Variants in KCNIP4 observed in about 807,000 individuals in gnomAD.
KCNIP4 encodes the protein potassium voltage-gated channel interacting protein 4.
KCNIP4 carries 12 observed loss-of-function variants against 34.0 expected under a neutral mutation model. That is an observed-to-expected ratio of 0.35 (90% CI 0.23 to 0.57). The LOEUF (loss-of-function observed/expected upper bound fraction) is 0.57. Ranked by LOEUF, KCNIP4 falls within the 20% of genes least tolerant of loss-of-function variation. KCNIP4 has a pLI of 0.83. For synonymous variants in KCNIP4, 124 were observed against 102.2 expected (o/e 1.21, Z -1.29); for missense variants, 238 against 311.7 (o/e 0.76, Z 1.78).
rs571558065 is a variant in KCNIP4, at chr4:20,806,684, T to G, written c.288+43859A>C. On this transcript the variant is annotated intron_variant, in intron 3 of 8. Coordinates refer to ENST00000382152, the MANE Select transcript of KCNIP4 (RefSeq NM_025221.6). Reference sequence around the variant, plus strand: ...GCTTAGGGCTAAAAATTACTCAATATGAACTAAAAATCTGAAAAACCTGAA... The same window carrying G: ...GCTTAGGGCTAAAAATTACTCAATAGGAACTAAAAATCTGAAAAACCTGAA... Among the ~76,000 whole-genome samples, 63 of 152,210 alleles carry G rather than the reference T, an allele frequency of 4.1e-4. No homozygotes were observed. In the South Asian group the frequency reaches 0.011, roughly 28 times the overall value.
intron 1 of KCNIP4, among the ~76,000 whole-genome samples, chr4:21,501,692 G>GTGTGTA (rs1733361304): frequency 6.7e-6 from 1 of 149,430 alleles, no homozygotes; most frequent in South Asian, 2.1e-4. Flanking sequence ...GAAGCCTTGT[G>GTGTGTA]TGTGTGTGTG....
At chr4:20,862,291 GTTA>G (rs1447106616) in intron 2 of KCNIP4, among the ~76,000 whole-genome samples, 9 of 151,958 alleles carry the variant, frequency 5.9e-5, no homozygotes, top group African/African-American at 2.2e-4. Flanking sequence ...ACCTGGATGA[GTTA>G]TTATTTTTTA....
chr4:20,860,080 G>T lies in KCNIP4; in HGVS notation c.164-9413C>A, dbSNP rs75194045. Among the ~76,000 whole-genome samples, 957 of 152,118 alleles carry T rather than the reference G, an allele frequency of 6.3e-3. 57 individuals are homozygous for T. In the East Asian group the frequency reaches 0.15, roughly 24 times the overall value. On this transcript the variant is annotated intron_variant, in intron 2 of 8. Coordinates refer to ENST00000382152, the MANE Select transcript of KCNIP4 (RefSeq NM_025221.6). ...GAGAATGTGAAATAAATAACTACTT[G>T]AAGCATTCCAAGAATAGTGAGTGTA...
At chr4:20,734,786 A>C in intron 5 of KCNIP4, 51 bp from the exon 6 acceptor site, 1 of 1,046,210 alleles carries the variant, frequency 9.6e-7, no homozygotes, top group Non-Finnish European at 1.4e-6. Context: ...AAAAAACAAA[A>C]ACAAAAAAAA....
intron 1 of KCNIP4, among the ~76,000 whole-genome samples, chr4:21,369,275 G>A (rs1175478479): frequency 6.8e-6 from 1 of 147,270 alleles, no homozygotes; most frequent in Non-Finnish European, 1.5e-5. Context: ...AAGCTTTTAT[G>A]TCAGGTACCA....
At chr4:21,577,759 C>T (rs1740856451) in intron 1 of KCNIP4, among the ~76,000 whole-genome samples, 1 of 152,190 alleles carries the variant, frequency 6.6e-6, no homozygotes, top group African/African-American at 2.4e-5. Context: ...CCTTGACCAC[C>T]TAGTTAGCTC....
intron 1 of KCNIP4, among the ~76,000 whole-genome samples, chr4:21,877,209 C>G (rs1726173850): frequency 6.6e-6 from 1 of 151,928 alleles, no homozygotes; most frequent in Non-Finnish European, 1.5e-5. Context: ...AAAAATTAGC[C>G]AAGTGTGGTG....
At chr4:21,606,908 C>A (rs895730727) in intron 1 of KCNIP4, among the ~76,000 whole-genome samples, 4 of 152,112 alleles carry the variant, frequency 2.6e-5, no homozygotes, top group Non-Finnish European at 4.4e-5. Context: ...GTTCTCAAAT[C>A]GTATTACTCC....
chr4:21,223,874 A>G (rs1310005848), intron 1 of KCNIP4, among the ~76,000 whole-genome samples: 1 of 151,956 alleles, frequency 6.6e-6, no homozygotes, highest in African/African-American at 2.4e-5. Context: ...GCCCTTAGTC[A>G]TCTTTGTTCT....
intron 1 of KCNIP4, among the ~76,000 whole-genome samples, chr4:21,886,277 A>G (rs1726759209): frequency 6.6e-6 from 1 of 152,150 alleles, no homozygotes; most frequent in Non-Finnish European, 1.5e-5. Flanking sequence ...GGGTGAAATT[A>G]AGCTCCAAAA....
At chr4:21,413,163 G>T (rs145736557) in intron 1 of KCNIP4, among the ~76,000 whole-genome samples, 1 of 152,192 alleles carries the variant, frequency 6.6e-6, no homozygotes, top group Non-Finnish European at 1.5e-5. Flanking sequence ...TTGTTAGGGG[G>T]AGGCTATCTC....
intron 1 of KCNIP4, among the ~76,000 whole-genome samples, chr4:21,091,715 G>A (rs990349664): frequency 4.6e-5 from 7 of 152,162 alleles, no homozygotes; most frequent in African/African-American, 1.4e-4. Flanking sequence ...CCTATTTCAT[G>A]TCACAGACTG....
At chr4:21,165,448 T>TAAAAAAAAAAAAA (rs1491391042) in intron 1 of KCNIP4, among the ~76,000 whole-genome samples, 1 of 602 alleles carries the variant, frequency 1.7e-3, no homozygotes, top group Non-Finnish European at 2.9e-3. Flanking sequence ...TTTGAAAGCA[T>TAAAAAAAAAAAAA]CAAAAAAAAA....
chr4:21,518,609 G>A (rs901425163), intron 1 of KCNIP4, among the ~76,000 whole-genome samples: 1 of 152,068 alleles, frequency 6.6e-6, no homozygotes, highest in East Asian at 1.9e-4. Flanking sequence ...TTACCACGGC[G>A]GATGAAAATA....
At position 21,727,785 on chromosome 4, in the gene KCNIP4, C is replaced by T. The variant is rs113757947; in HGVS notation, c.61+220786G>A. ...CAGAGGTTGCAGTGAGCTGAGACCA[C>T]ACCACTGCATTCCAGCCTGGGCAAC... On this transcript the variant is annotated intron_variant, in intron 1 of 8. Coordinates refer to ENST00000382152, the MANE Select transcript of KCNIP4 (RefSeq NM_025221.6). 8.8e-3 allele frequency among the ~76,000 whole-genome samples: 1,333 copies of T among 152,216 alleles called. 19 individuals are homozygous for T. The highest frequency in any genetic ancestry group is 0.039 in the South Asian group (186 of 4,826).
chr4:21,501,692 G>GTGTGTGTGTA (rs1733361546), intron 1 of KCNIP4, among the ~76,000 whole-genome samples: 1 of 149,314 alleles, frequency 6.7e-6, no homozygotes, highest in Non-Finnish European at 1.5e-5. Context: ...GAAGCCTTGT[G>GTGTGTGTGTA]TGTGTGTGTG....
intron 1 of KCNIP4, among the ~76,000 whole-genome samples, chr4:20,960,159 G>T (rs1001105304): frequency 1.3e-5 from 2 of 152,146 alleles, no homozygotes; most frequent in African/African-American, 4.8e-5. Context: ...TATGATAAAA[G>T]CATGTGTTCC....
At chr4:20,986,012 G>A (rs1212106388) in intron 1 of KCNIP4, among the ~76,000 whole-genome samples, 1 of 152,170 alleles carries the variant, frequency 6.6e-6, no homozygotes. Flanking sequence ...CATGGTTGAT[G>A]TAAGAATTAA....
At chr4:20,832,607 A>AT (rs1718555714) in intron 3 of KCNIP4, among the ~76,000 whole-genome samples, 1 of 151,760 alleles carries the variant, frequency 6.6e-6, no homozygotes, top group African/African-American at 2.4e-5. Context: ...TAGGGAATAT[A>AT]TTAAAAATGA....
Sources: allele counts gnomAD v4.1 joint callset (sites outside exome capture counted in the v4.1 genomes callset), GRCh38; gene constraint gnomAD v4.1.1; transcripts MANE v1.5; gene names NCBI Gene and HGNC (gene_info 2026-07-23, HGNC 2026-07-21).